Variants in MINPP1 observed in about 807,000 individuals in gnomAD.
MINPP1 encodes the protein multiple inositol-polyphosphate phosphatase 1.
A neutral mutation model predicts 46.1 loss-of-function variants in MINPP1; 28 were observed. That is an observed-to-expected ratio of 0.61 (90% CI 0.45 to 0.83). The LOEUF is 0.83. Among genes scored for constraint, MINPP1 ranks in the 40% least tolerant of loss-of-function variants. The pLI, the probability that MINPP1 is intolerant of heterozygous loss-of-function variation, is 0.00. For missense variants in MINPP1, 603 were observed against 610.0 expected (o/e 0.99, Z 0.12); for synonymous variants, 268 against 249.1 (o/e 1.08, Z -0.72).
chr10:87,525,223 C>T (rs1326012984), intron 4 of MINPP1, among the ~76,000 whole-genome samples: 1 of 152,236 alleles, frequency 6.6e-6, no homozygotes, highest in African/African-American at 2.4e-5. Context: ...ACTACTGCAA[C>T]TTTAGAACAT....
intron 4 of MINPP1, among the ~76,000 whole-genome samples, chr10:87,551,380 T>C (rs1851960652): frequency 6.6e-6 from 1 of 152,002 alleles, no homozygotes; most frequent in Admixed American, 6.6e-5. Context: ...GGCTAAGCAG[T>C]CATTCACTGC....
chr10:87,540,310 T>C (rs1851795598), intron 4 of MINPP1, among the ~76,000 whole-genome samples: 1 of 152,226 alleles, frequency 6.6e-6, no homozygotes. Context: ...AGCAATCTTA[T>C]GACAAAATAC....
At chr10:87,522,720 G>A (rs1476151410) in intron 4 of MINPP1, among the ~76,000 whole-genome samples, 3 of 152,192 alleles carry the variant, frequency 2.0e-5, no homozygotes, top group Non-Finnish European at 4.4e-5. Context: ...TGAGAGTGGT[G>A]GTTGCTGAAG....
chr10:87,536,316 T>A (rs1851734836), intron 4 of MINPP1, among the ~76,000 whole-genome samples: 1 of 152,302 alleles, frequency 6.6e-6, no homozygotes, highest in East Asian at 1.9e-4. Flanking sequence ...GTAAAGGCTT[T>A]ATGAGGAGTC....
chr10:87,547,851 C>A (rs938963656), intron 4 of MINPP1, among the ~76,000 whole-genome samples: 1 of 152,078 alleles, frequency 6.6e-6, no homozygotes, highest in African/African-American at 2.4e-5. Context: ...ATTGATGGCT[C>A]TGTGGCAAAC....
chr10:87,507,965 T>C (rs1589367602), intron 1 of MINPP1: 1 of 1,349,320 alleles, frequency 7.4e-7, no homozygotes, highest in Middle Eastern at 2.8e-4. Context: ...ATAGATTCCA[T>C]ATGTTGAATT....
chr10:87,531,031 C>T (rs879829424), intron 4 of MINPP1, among the ~76,000 whole-genome samples: 15 of 152,274 alleles, frequency 9.9e-5, no homozygotes, highest in Middle Eastern at 3.4e-3. Context: ...CCTGGTGTGC[C>T]GTTTGCTAAG....
chr10:87,528,373 G>T (rs1172753577), intron 4 of MINPP1, among the ~76,000 whole-genome samples: 1 of 152,180 alleles, frequency 6.6e-6, no homozygotes, highest in Non-Finnish European at 1.5e-5. Context: ...TGTACACCCT[G>T]CTTTAAATGT....
intron 4 of MINPP1, among the ~76,000 whole-genome samples, chr10:87,529,095 A>G (rs1186724739): frequency 1.3e-5 from 2 of 152,100 alleles, no homozygotes; most frequent in Admixed American, 6.6e-5. Flanking sequence ...TTTTGAGCCT[A>G]TGTGTGTCTC....
At chr10:87,542,943 G>A (rs1376095843) in intron 4 of MINPP1, among the ~76,000 whole-genome samples, 1 of 152,172 alleles carries the variant, frequency 6.6e-6, no homozygotes, top group Non-Finnish European at 1.5e-5. Context: ...AAAGAAGACA[G>A]GAAGATGAAG....
chr10:87,546,153 A>G (rs1851883457), intron 4 of MINPP1, among the ~76,000 whole-genome samples: 1 of 152,252 alleles, frequency 6.6e-6, no homozygotes, highest in African/African-American at 2.4e-5. Flanking sequence ...AATAAATAAT[A>G]GCATAAATTA....
At chr10:87,544,539 C>T (rs1851861954) in intron 4 of MINPP1, among the ~76,000 whole-genome samples, 1 of 152,188 alleles carries the variant, frequency 6.6e-6, no homozygotes, top group Admixed American at 6.5e-5. Flanking sequence ...TGCCTTTTTG[C>T]TGACCAGCTC....
Position 87,505,182 on chromosome 10 carries a change from C to G in MINPP1, c.267C>G (p.His89Gln). The G allele has an allele frequency of 6.2e-7, 1 of 1,608,804 alleles. No individual in the cohort carries two copies. The change falls in exon 1 of 5, where the codon CAC (histidine) becomes CAG (glutamine). Residue 89 changes from histidine to glutamine, a missense_variant. By Grantham distance (24) the His-to-Gln change is conservative (BLOSUM62 0). Transcript: ENST00000371996. This position sits in a 1 kb window ranked among gnomAD's most constrained non-coding sequence, Gnocchi z 4.4. ...TGCAGCTGGTCGCCCTCATTCGCCACGGCACCCGCTACCCCACGGTCAAAC... is the reference window on the plus strand; with the variant it reads ...TGCAGCTGGTCGCCCTCATTCGCCAGGGCACCCGCTACCCCACGGTCAAAC... ...TPVQLVALIR[H>Q]GTRYPTVKQI...
At chr10:87,506,961 CATAA>C (rs1564670396) in intron 1 of MINPP1, among the ~76,000 whole-genome samples, 1 of 152,072 alleles carries the variant, frequency 6.6e-6, no homozygotes, top group East Asian at 1.9e-4. Context: ...GAAAATTCCT[CATAA>C]ATCTGTTAAA....
At position 87,505,220 on chromosome 10, in the gene MINPP1, T is replaced by C; in HGVS notation, c.305T>C (p.Leu102Pro). 1 of 1,612,132 alleles carries C rather than the reference T, an allele frequency of 6.2e-7. No homozygotes were observed. The highest frequency in any genetic ancestry group is 8.5e-7 in the Non-Finnish European group (1 of 1,179,202). ...RYPTVKQIRK[L>P]RQLHGLLQAR... is the part of the protein sequence containing the mutation. The stretch of plus-strand genomic sequence containing the variant: ...CCCACGGTCAAACAGATCCGCAAGC[T>C]GAGGCAGCTGCACGGGTTGCTGCAG... Residue 102 changes from leucine to proline, a missense_variant, in exon 1 of 5, where the codon CTG becomes CCG. Coordinates refer to ENST00000371996, the MANE Select transcript of MINPP1 (RefSeq NM_004897.5). This position sits in a 1 kb window ranked among gnomAD's most constrained non-coding sequence, Gnocchi z 4.4.
rs1264281678 is a variant in MINPP1 at position 87,538,879 on chromosome 10, G to T, written c.1068-13203G>T. Among the ~76,000 whole-genome samples the T allele has an allele frequency of 2.6e-5, 4 of 152,128 alleles. No individual in the cohort carries two copies. The East Asian group carries it at 7.7e-4, about 29-fold the overall frequency. On this transcript the variant is annotated intron_variant, in intron 4 of 4. Coordinates refer to ENST00000371996, the MANE Select transcript of MINPP1 (RefSeq NM_004897.5). Reference sequence around the variant, plus strand: ...TAGAAAGATCTAGCTGAGTACATTTGGGGGGAAAACATGCAATTATTAGTT... The same window carrying T: ...TAGAAAGATCTAGCTGAGTACATTTTGGGGGAAAACATGCAATTATTAGTT...
chr10:87,529,881 T>A (rs1427650608), intron 4 of MINPP1, among the ~76,000 whole-genome samples: 3 of 152,244 alleles, frequency 2.0e-5, no homozygotes, highest in Non-Finnish European at 4.4e-5. Context: ...AGTCCCATAT[T>A]TCTTGGAGGC....
Position 87,521,050 on chromosome 10 carries a change from A to C in MINPP1, c.948A>C (p.Leu316Phe). The change falls in exon 4 of 5, where the codon TTA becomes TTC. Residue 316 changes from leucine (L) to phenylalanine (F), a missense_variant. Physicochemically the swap from Leu to Phe is conservative, Grantham distance 22. Coordinates refer to ENST00000371996, the MANE Select transcript of MINPP1 (RefSeq NM_004897.5). ...AATTTTTTTAGGTATTAGAATATTT[A>C]AATGATCTGAAACAATATTGGAAAA... ...DIDDAKVLEYLNDLKQYWKRG... is the reference protein window; with the variant it reads ...DIDDAKVLEYFNDLKQYWKRG... 1 of 1,150,564 alleles carries C rather than the reference A, an allele frequency of 8.7e-7. No individual in the cohort carries two copies. The highest frequency in any genetic ancestry group is 1.3e-6 in the Non-Finnish European group (1 of 766,164). 71.3% of individuals were successfully genotyped at this position (1,150,564 alleles called of 1,614,324 possible). A position where few individuals can be genotyped will look rare whatever the true frequency, so the allele number is the denominator to read the frequency against.
chr10:87,513,357 T>G (rs1851363844), intron 3 of MINPP1, 136 bp downstream of exon 3: 2 of 662,232 alleles, frequency 3.0e-6, no homozygotes, highest in Non-Finnish European at 5.4e-6. Context: ...GACTAACTCC[T>G]AATTTTCCTT....
Sources: gnomAD v4.1 joint callset for allele counts (sites outside exome capture counted in the v4.1 genomes callset) on GRCh38, gnomAD v4.1.1 for gene constraint, Gnocchi (gnomAD v3.1) non-coding constraint, MANE v1.5 for transcripts, NCBI Gene and HGNC (gene_info 2026-07-23, HGNC 2026-07-21) for gene names.